Variants in CHST8 observed in about 807,000 individuals in gnomAD.
CHST8 encodes the protein carbohydrate sulfotransferase 8.
A neutral mutation model predicts 15.0 loss-of-function variants in CHST8; 10 were observed. The observed-to-expected ratio is 0.67, with a 90% CI of 0.41 to 1.13. The LOEUF (loss-of-function observed/expected upper bound fraction) is 1.13, where lower values mean the gene tolerates loss of function less well. CHST8 is among the 50% of genes most tolerant of loss of function. The pLI is 0.00. For missense variants in CHST8, 634 were observed against 608.2 expected, an observed-to-expected ratio of 1.04 and a Z score of -0.45; for synonymous variants, 259 against 256.6, an observed-to-expected ratio of 1.01 and a Z score of -0.09.
At chr19:33,758,241 G>A (rs1974645386) in intron 3 of CHST8, among the ~76,000 whole-genome samples, 1 of 150,198 alleles carries the variant, frequency 6.7e-6, no homozygotes, top group African/African-American at 2.4e-5. Context: ...GTGGGGGTGG[G>A]CCTGGAACTG....
rs540433861 is a variant in CHST8, at chr19:33,655,262, C to T, written c.-163-12505C>T. On this transcript the variant is annotated intron_variant, in intron 1 of 4. Coordinates refer to ENST00000650847, the MANE Select transcript of CHST8 (RefSeq NM_001127895.2). ...ATGTTGACCAGGCTGGTCTCGAACTCCTAATCTCAAGAGATCTGCCCGCCT... is the reference window on the plus strand; with the variant it reads ...ATGTTGACCAGGCTGGTCTCGAACTTCTAATCTCAAGAGATCTGCCCGCCT... Among the ~76,000 whole-genome samples the T allele has an allele frequency of 8.5e-5, 13 of 152,306 alleles. No homozygotes were observed. In the East Asian group the frequency reaches 1.9e-3, roughly 23 times the overall value.
At chr19:33,649,571 G>A (rs991842079) in intron 1 of CHST8, among the ~76,000 whole-genome samples, 1 of 152,150 alleles carries the variant, frequency 6.6e-6, no homozygotes, top group Admixed American at 6.5e-5. Context: ...ATTCATGAGG[G>A]GGGTCTGGAC....
At position 33,757,532 on chromosome 19, in the gene CHST8, G is replaced by GAA. The variant is rs777149743; in HGVS notation, c.131-13879_131-13878dup. Among the ~76,000 whole-genome samples, 3 of 46,888 alleles carry GAA rather than the reference G, an allele frequency of 6.4e-5. 1 individual carries two copies. The highest frequency in any genetic ancestry group is 4.6e-4 in the Admixed American group (2 of 4,370). The allele number at this position is 46,888 out of a possible 152,430, so 30.8% of individuals were successfully genotyped here. On this transcript the variant is annotated intron_variant, in intron 3 of 4. Coordinates refer to ENST00000650847, the MANE Select transcript of CHST8 (RefSeq NM_001127895.2). Reference sequence around the variant, plus strand: ...AAAGAAAGAAAGAAAGAGAAAGAAAGAAAGAAAGAAAGAAAGAAAGAAAGA... The same window carrying GAA: ...AAAGAAAGAAAGAAAGAGAAAGAAAGAAAAAGAAAGAAAGAAAGAAAGAAAGA...
chr19:33,732,018 C>T (rs1231280943), intron 3 of CHST8, among the ~76,000 whole-genome samples: 1 of 152,192 alleles, frequency 6.6e-6, no homozygotes, highest in African/African-American at 2.4e-5. Context: ...CACACTGGGA[C>T]AGCTGCGTCT....
At chr19:33,686,164 T>A (rs1350160281) in intron 2 of CHST8, among the ~76,000 whole-genome samples, 1 of 151,918 alleles carries the variant, frequency 6.6e-6, no homozygotes, top group Non-Finnish European at 1.5e-5. Flanking sequence ...AGGGTGTTCG[T>A]GTTCTCTCGG....
intron 1 of CHST8, among the ~76,000 whole-genome samples, chr19:33,626,007 C>T (rs990457703): frequency 6.6e-6 from 1 of 152,090 alleles, no homozygotes; most frequent in Non-Finnish European, 1.5e-5. Context: ...GTCTTTGGCG[C>T]CATATTCAGG....
intron 2 of CHST8, among the ~76,000 whole-genome samples, chr19:33,684,261 C>T (rs1413621535): frequency 6.6e-6 from 1 of 152,206 alleles, no homozygotes; most frequent in Non-Finnish European, 1.5e-5. Flanking sequence ...GAGCATGGGG[C>T]TGGGGGGGAG....
intron 2 of CHST8, among the ~76,000 whole-genome samples, chr19:33,684,302 C>T (rs1028857880): frequency 2.0e-5 from 3 of 151,318 alleles, no homozygotes; most frequent in African/African-American, 7.3e-5. Flanking sequence ...AACAGGGCAG[C>T]GGACAGCAGG....
At chr19:33,686,097 G>C (rs1394304804) in intron 2 of CHST8, among the ~76,000 whole-genome samples, 1 of 152,116 alleles carries the variant, frequency 6.6e-6, no homozygotes, top group Non-Finnish European at 1.5e-5. Context: ...TGAGGCTTAG[G>C]GGCTAAACCC....
intron 1 of CHST8, among the ~76,000 whole-genome samples, chr19:33,639,719 G>A (rs1293017734): frequency 6.6e-6 from 1 of 152,140 alleles, no homozygotes; most frequent in African/African-American, 2.4e-5. Context: ...CCCCTCCTCT[G>A]TAGGGGGTCC....
At position 33,772,201 on chromosome 19, in the gene CHST8, G is replaced by C. The variant is rs1312256633; in HGVS notation, c.413G>C (p.Gly138Ala). The C allele has an allele frequency of 6.3e-7, 1 of 1,594,340 alleles. No individual in the cohort carries two copies. Among genetic ancestry groups the C allele is most frequent in the Non-Finnish European group, 8.5e-7 (1 of 1,173,702 alleles). The change falls in exon 5 of 5, where the codon GGA becomes GCA. Residue 138 changes from glycine to alanine, a missense_variant. Transcript: ENST00000650847. ...TCGGACGCGCCCTTCATCCGGCCGG[G>C]ACCCGGGACGCTGGATGGCCGCTGG... ...NSSDAPFIRP[G>A]PGTLDGRWVS... is the part of the protein sequence containing the mutation.
rs1009238297 is a variant in CHST8, at chr19:33,637,706, G to A, written c.-164+15410G>A. On this transcript the variant is annotated intron_variant, in intron 1 of 4. Transcript: ENST00000650847. ...CGTGAGCCACCGTGCCCAGTCGAAA[G>A]TGAACCTTTCACTGGGTGTGGTGGC... Among the ~76,000 whole-genome samples the A allele has an allele frequency of 1.0e-3, 146 of 143,710 alleles. 1 individual carries two copies. The highest frequency in any genetic ancestry group is 2.0e-3 in the Non-Finnish European group (132 of 65,212). 94.3% of individuals were successfully genotyped at this position (143,710 alleles called of 152,430 possible).
intron 3 of CHST8, among the ~76,000 whole-genome samples, chr19:33,705,732 G>A (rs548170498): frequency 1.3e-5 from 2 of 152,226 alleles, no homozygotes; most frequent in South Asian, 4.1e-4. Flanking sequence ...GGGCACCATG[G>A]CAGCCACACT....
intron 1 of CHST8, among the ~76,000 whole-genome samples, chr19:33,627,614 G>A (rs1207163067): frequency 6.6e-6 from 1 of 152,156 alleles, no homozygotes; most frequent in Admixed American, 6.5e-5. Flanking sequence ...TGGTGACTGA[G>A]GGCAAGATGC....
chr19:33,767,927 A>T (rs1375427705), intron 3 of CHST8, among the ~76,000 whole-genome samples: 1 of 152,148 alleles, frequency 6.6e-6, no homozygotes, highest in Non-Finnish European at 1.5e-5. Flanking sequence ...GGAGGTGGTT[A>T]TACTGAGGCC....
At chr19:33,749,407 C>T (rs1214681626) in intron 3 of CHST8, among the ~76,000 whole-genome samples, 1 of 133,172 alleles carries the variant, frequency 7.5e-6, no homozygotes, top group Non-Finnish European at 1.6e-5. Flanking sequence ...CTCCATCCTC[C>T]TATCATCCCC....
rs773807212 is a variant in CHST8, at chr19:33,771,974, C to T, written c.186C>T (p.Gly62=). Reference sequence around the variant, plus strand: ...TGCCCCAGGACCTCCCACCAGGCGGCTCCCAGGATGGTGACTTGAAGGAAC... The same window carrying T: ...TGCCCCAGGACCTCCCACCAGGCGGTTCCCAGGATGGTGACTTGAAGGAAC... The part of the protein sequence containing the change: ...RQPHHDLPPG[G]SQDGDLKEPT... The change falls in exon 5 of 5, where the codon GGC becomes GGT. Residue 62 remains glycine (G), a synonymous_variant. Transcript: ENST00000650847. 33 of 1,572,988 alleles carry T rather than the reference C, an allele frequency of 2.1e-5. No individual in the cohort carries two copies. The African/African-American group carries it at 4.1e-4, about 20-fold the overall frequency.
chr19:33,657,452 A>G (rs908670479), intron 1 of CHST8, among the ~76,000 whole-genome samples: 1 of 151,352 alleles, frequency 6.6e-6, no homozygotes, highest in African/African-American at 2.4e-5. Flanking sequence ...TGTTTTTAGT[A>G]GAGATGGGGG....
chr19:33,731,846 G>A (rs1323478306), intron 3 of CHST8, among the ~76,000 whole-genome samples: 1 of 152,186 alleles, frequency 6.6e-6, no homozygotes, highest in Non-Finnish European at 1.5e-5. Context: ...CAGAGAAAAG[G>A]TGTAAAGATG....
Sources: gnomAD v4.1 joint callset for allele counts (sites outside exome capture counted in the v4.1 genomes callset) on GRCh38, gnomAD v4.1.1 for gene constraint, MANE v1.5 for transcripts, NCBI Gene and HGNC (gene_info 2026-07-23, HGNC 2026-07-21) for gene names.